The following SSPN variants were observed in gnomAD, a reference collection of about 807,000 sequenced individuals.
The protein encoded by SSPN is K-ras oncogene-associated protein.
A neutral mutation model predicts 19.1 loss-of-function variants in SSPN; 15 were observed. That is an observed-to-expected ratio of 0.78 (90% CI 0.52 to 1.21). The LOEUF (loss-of-function observed/expected upper bound fraction) is 1.21. SSPN is among the 50% of genes most tolerant of loss of function. The probability of loss-of-function intolerance (pLI) is 0.00; values close to 1 mark genes in which losing one functional copy is unlikely to be tolerated. For missense variants in SSPN, 291 were observed against 314.0 expected, an observed-to-expected ratio of 0.93 and a Z score of 0.55; for synonymous variants, 147 against 140.3, an observed-to-expected ratio of 1.05 and a Z score of -0.34.
In SSPN at chr12:26,183,709, C is replaced by A. The variant is rs570289295; in HGVS notation, c.-30-40584C>A. 2.6e-5 allele frequency among the ~76,000 whole-genome samples: 4 copies of A among 152,304 alleles called. No individual in the cohort carries two copies. The South Asian group carries it at 6.2e-4, about 24-fold the overall frequency. On this transcript the variant is annotated intron_variant, in intron 1 of 2. Coordinates refer to the SSPN transcript ENST00000538142. The stretch of plus-strand genomic sequence containing the variant: ...AGATCTTCTGCAAGCCACAGCCACC[C>A]TTCCTCATGAATCCCTGAGGATATA...
At chr12:26,224,228 A>G in intron 1 of SSPN, 65 bp from the exon 2 acceptor site, 2 of 1,109,154 alleles carry the variant, frequency 1.8e-6, no homozygotes, top group Non-Finnish European at 2.8e-6. Context: ...AGATACTGAG[A>G]CTGATGTCAT....
At chr12:26,198,354 A>T (rs1264983715) in intron 1 of SSPN, among the ~76,000 whole-genome samples, 1 of 152,192 alleles carries the variant, frequency 6.6e-6, no homozygotes, top group Non-Finnish European at 1.5e-5. Context: ...TTGTATGCTA[A>T]CTTGTGTGCC....
intron 1 of SSPN, among the ~76,000 whole-genome samples, chr12:26,167,381 G>T (rs751298108): frequency 2.0e-5 from 3 of 152,106 alleles, no homozygotes; most frequent in Non-Finnish European, 2.9e-5. Flanking sequence ...TGTATAAAAG[G>T]ACAATAAGCA....
chr12:26,182,235 A>G (rs1019460176), intron 1 of SSPN, among the ~76,000 whole-genome samples: 1 of 152,216 alleles, frequency 6.6e-6, no homozygotes, highest in African/African-American at 2.4e-5. Context: ...TCACTCAGTC[A>G]TTCCATAGAG....
At chr12:26,141,096 G>A (rs1944458130) in intron 1 of SSPN, among the ~76,000 whole-genome samples, 2 of 152,180 alleles carry the variant, frequency 1.3e-5, no homozygotes, top group Non-Finnish European at 2.9e-5. Context: ...CATAGCACAA[G>A]AAACTTTGTA....
At chr12:26,152,966 G>T (rs1314686782) in intron 1 of SSPN, among the ~76,000 whole-genome samples, 1 of 152,158 alleles carries the variant, frequency 6.6e-6, no homozygotes, top group Non-Finnish European at 1.5e-5. Flanking sequence ...AGCTGCCTCT[G>T]GGCCGTAGCA....
chr12:26,176,933 C>T (rs1186369987), intron 1 of SSPN, among the ~76,000 whole-genome samples: 2 of 152,190 alleles, frequency 1.3e-5, no homozygotes, highest in African/African-American at 4.8e-5. Context: ...AATATAAATC[C>T]AAACACATTA....
chr12:26,147,790 C>CA (rs1944501751), intron 1 of SSPN, among the ~76,000 whole-genome samples: 1 of 152,148 alleles, frequency 6.6e-6, no homozygotes. Flanking sequence ...TGAATGTGTG[C>CA]AGAGCCACAG....
intron 1 of SSPN, among the ~76,000 whole-genome samples, chr12:26,199,626 C>T (rs550710272): frequency 1.2e-4 from 19 of 152,310 alleles, no homozygotes; most frequent in African/African-American, 4.6e-4. Flanking sequence ...GGAATTCAAG[C>T]TTGCTCATTT....
intron 1 of SSPN, among the ~76,000 whole-genome samples, chr12:26,128,297 T>C (rs61915713): frequency 0.13 from 19,977 of 152,206 alleles, 1,400 homozygotes; most frequent in African/African-American, 0.14. Context: ...GGTGTTAGCA[T>C]TGGAGCTGAT....
intron 1 of SSPN, among the ~76,000 whole-genome samples, chr12:26,208,817 G>T (rs545428686): frequency 2.0e-5 from 3 of 152,080 alleles, no homozygotes; most frequent in Non-Finnish European, 2.9e-5. Context: ...TAAATAATCG[G>T]TCCCTTTCAT....
intron 1 of SSPN, among the ~76,000 whole-genome samples, chr12:26,130,424 A>G (rs998860941): frequency 4.6e-5 from 7 of 152,172 alleles, no homozygotes; most frequent in South Asian, 2.1e-4. Context: ...TCTGACTTCA[A>G]AGGTACTCCT....
At chr12:26,147,274 T>TTG (rs1555176229) in intron 1 of SSPN, among the ~76,000 whole-genome samples, 5 of 81,798 alleles carry the variant, frequency 6.1e-5, no homozygotes, top group Admixed American at 3.6e-4. Flanking sequence ...GGGGTTTTTT[T>TTG]TGTGTTTTTT....
chr12:26,182,821 A>C (rs2137443637), intron 1 of SSPN, among the ~76,000 whole-genome samples: 1 of 149,278 alleles, frequency 6.7e-6, no homozygotes, highest in African/African-American at 2.5e-5. Flanking sequence ...GAAGTGAAGT[A>C]GGGCAATCTG....
chr12:26,199,702 A>G (rs1944861065), intron 1 of SSPN, among the ~76,000 whole-genome samples: 1 of 152,216 alleles, frequency 6.6e-6, no homozygotes, highest in African/African-American at 2.4e-5. Flanking sequence ...TGGGGATTTT[A>G]CTTCTCACTC....
intron 2 of SSPN, among the ~76,000 whole-genome samples, chr12:26,228,756 C>G (rs1450067241): frequency 6.6e-6 from 1 of 152,074 alleles, no homozygotes; most frequent in Non-Finnish European, 1.5e-5. Flanking sequence ...TTCAGAACAA[C>G]CCAGAATTGT....
intron 1 of SSPN, among the ~76,000 whole-genome samples, chr12:26,129,424 A>G (rs534812195): frequency 7.2e-5 from 11 of 152,158 alleles, no homozygotes; most frequent in Non-Finnish European, 1.5e-4. Flanking sequence ...CCTACTCTCA[A>G]GGGAGAAGAG....
intron 1 of SSPN, among the ~76,000 whole-genome samples, chr12:26,154,882 G>T (rs1364264602): frequency 6.6e-6 from 1 of 152,132 alleles, no homozygotes. Context: ...AAAGTAGTGG[G>T]GTTTGGGCCC....
chr12:26,201,099 G>A (rs1012494252), intron 1 of SSPN, among the ~76,000 whole-genome samples: 7 of 145,410 alleles, frequency 4.8e-5, no homozygotes, highest in African/African-American at 1.0e-4. Flanking sequence ...TGGTGAGGCC[G>A]GGCATGGTGT....
Sources: gnomAD v4.1 joint callset for allele counts (sites outside exome capture counted in the v4.1 genomes callset) on GRCh38, gnomAD v4.1.1 for gene constraint, MANE v1.5 for transcripts, NCBI Gene and HGNC (gene_info 2026-07-23, HGNC 2026-07-21) for gene names.